The following FRMPD4 variants were observed in gnomAD, a reference collection of about 807,000 sequenced individuals.
FRMPD4 encodes FERM and PDZ domain containing 4, also known as FERM and PDZ domain-containing protein 4.
FRMPD4 carries 22 observed loss-of-function variants against 94.1 expected under a neutral mutation model. The ratio of observed to expected loss-of-function variants is 0.23; its 90% CI spans 0.17 to 0.33. The LOEUF (loss-of-function observed/expected upper bound fraction) is 0.33, where lower values mean the gene tolerates loss of function less well. Among genes scored for constraint, FRMPD4 ranks in the 10% least tolerant of loss-of-function variants. FRMPD4 has a pLI of 1.00. For synonymous variants in FRMPD4, 631 were observed against 548.6 expected (o/e 1.15, Z -2.10); for missense variants, 1,111 against 1,339.9 (o/e 0.83, Z 2.67).
intron 3 of FRMPD4, among the ~76,000 whole-genome samples, chrX:11,956,922 C>G (rs1483564070): frequency 8.9e-6 from 1 of 111,871 alleles, no homozygotes; most frequent in African/African-American, 3.2e-5. Context: ...TAACTATACT[C>G]ACAAGAGGCT....
intron 3 of FRMPD4, among the ~76,000 whole-genome samples, chrX:11,915,713 T>C (rs750126074): frequency 4.7e-4 from 53 of 112,254 alleles, no homozygotes; most frequent in Non-Finnish European, 7.5e-4. Flanking sequence ...ACAGAATCCA[T>C]TGGACAGCAC....
intron 1 of FRMPD4, among the ~76,000 whole-genome samples, chrX:11,823,302 A>T (rs927671716): frequency 4.7e-4 from 51 of 108,922 alleles, no homozygotes; most frequent in African/African-American, 1.5e-3. Flanking sequence ...ATATAATAAT[A>T]ATAATTATTA....
chrX:12,037,743 C>T (rs764763246), intron 3 of FRMPD4, among the ~76,000 whole-genome samples: 7 of 110,856 alleles, frequency 6.3e-5, no homozygotes, highest in African/African-American at 2.3e-4. Flanking sequence ...ACCCTCCACC[C>T]TCAGGTAGGC....
intron 3 of FRMPD4, among the ~76,000 whole-genome samples, chrX:12,111,865 AG>A (rs1441598663): frequency 8.9e-6 from 1 of 111,958 alleles, no homozygotes; most frequent in Non-Finnish European, 1.9e-5. Flanking sequence ...AACCACAATA[AG>A]ATACCATCTC....
chrX:12,216,752 G>A (rs1010392471), intron 1 of FRMPD4, among the ~76,000 whole-genome samples: 14 of 111,886 alleles, frequency 1.3e-4, no homozygotes, highest in African/African-American at 4.6e-4. Context: ...TCATCTTACT[G>A]TTTTCTCATT....
intron 6 of FRMPD4, 68 bp from the exon 7 acceptor site, chrX:12,686,029 G>A: frequency 1.9e-6 from 1 of 523,111 alleles, no homozygotes; most frequent in Non-Finnish European, 3.4e-6. Context: ...GTATAGATGT[G>A]CTGCTACTGC....
chrX:12,093,102 C>A (rs918408176), intron 3 of FRMPD4, among the ~76,000 whole-genome samples: 5 of 110,950 alleles, frequency 4.5e-5, no homozygotes, highest in Admixed American at 9.6e-5. Flanking sequence ...TGTGGCTGGA[C>A]TGGAGTCAGG....
At chrX:12,485,838 G>A (rs993872847) in intron 1 of FRMPD4, among the ~76,000 whole-genome samples, 4 of 110,315 alleles carry the variant, frequency 3.6e-5, no homozygotes, top group African/African-American at 1.3e-4. Context: ...GAACCCAGGA[G>A]GTGGAGGTTG....
chrX:12,660,396 C>T (rs748764384), intron 4 of FRMPD4, among the ~76,000 whole-genome samples: 14 of 111,838 alleles, frequency 1.3e-4, no homozygotes, highest in Admixed American at 3.8e-4. Flanking sequence ...ACCCCATTCT[C>T]CACAAGTCCA....
intron 1 of FRMPD4, among the ~76,000 whole-genome samples, chrX:12,479,451 T>TATACAC (rs1569293667): frequency 4.0e-5 from 4 of 100,938 alleles, no homozygotes; most frequent in African/African-American, 1.5e-4. Context: ...TATATGTATA[T>TATACAC]ATATGTATAT....
intron 6 of FRMPD4, among the ~76,000 whole-genome samples, chrX:12,684,148 T>C (rs1237482767): frequency 8.9e-6 from 1 of 112,107 alleles, no homozygotes; most frequent in Non-Finnish European, 1.9e-5. Flanking sequence ...GAAATCATGA[T>C]TACTCAGGCA....
chrX:11,830,218 C>A lies in FRMPD4; in HGVS notation c.-161+7503C>A, dbSNP rs181602621. Among the ~76,000 whole-genome samples the A allele has an allele frequency of 1.7e-3, 189 of 111,709 alleles. 1 individual carries two copies. Among genetic ancestry groups the A allele is most frequent in the Middle Eastern group, 9.3e-3 (2 of 216 alleles). The stretch of plus-strand genomic sequence containing the variant: ...GAATATGAGTCAAACCATCATTTTC[C>A]TAAATGAGAAAGTTGGAAACAACTT... On this transcript the variant is annotated intron_variant, in intron 1 of 18. Transcript: ENST00000640291.
chrX:12,094,804 C>T (rs761213745), intron 3 of FRMPD4, among the ~76,000 whole-genome samples: 3 of 112,547 alleles, frequency 2.7e-5, no homozygotes, highest in African/African-American at 9.7e-5. Flanking sequence ...ATTCTGAGTT[C>T]AAATCCCAGT....
chrX:12,025,369 GC>G (rs1233987181), intron 3 of FRMPD4, among the ~76,000 whole-genome samples: 3 of 109,717 alleles, frequency 2.7e-5, no homozygotes, highest in Non-Finnish European at 5.7e-5. Flanking sequence ...TATCTCAGAG[GC>G]CATTCAAGGT....
intron 4 of FRMPD4, among the ~76,000 whole-genome samples, chrX:12,616,034 C>T (rs2059233393): frequency 9.0e-6 from 1 of 110,838 alleles, no homozygotes; most frequent in Non-Finnish European, 1.9e-5. Flanking sequence ...GAGTAAGCAA[C>T]CATCCTAGTT....
chrX:12,401,893 C>T (rs1388617125), intron 1 of FRMPD4, among the ~76,000 whole-genome samples: 1 of 111,277 alleles, frequency 9.0e-6, no homozygotes, highest in African/African-American at 3.3e-5. Context: ...AAAGCATGTC[C>T]AGAGTTGACT....
intron 1 of FRMPD4, among the ~76,000 whole-genome samples, chrX:12,196,601 A>G (rs2056570003): frequency 9.1e-6 from 1 of 109,292 alleles, no homozygotes; most frequent in Non-Finnish European, 1.9e-5. Context: ...CCTAAAGTAG[A>G]GAACATTTGT....
At chrX:12,716,000 C>CG in intron 14 of FRMPD4, 69 bp from the exon 15 acceptor site, 1 of 334,683 alleles carries the variant, frequency 3.0e-6, no homozygotes, top group East Asian at 4.8e-5. Flanking sequence ...AGAGACGAGC[C>CG]TCCCACCCCC....
At chrX:12,705,660 G>T (rs5979713) in intron 11 of FRMPD4, among the ~76,000 whole-genome samples, 26,048 of 109,624 alleles carry the variant, frequency 0.24, 2,274 homozygotes, top group Middle Eastern at 0.3. Flanking sequence ...AAGATGATGT[G>T]GGTCAAGTTC....
Sources: gnomAD v4.1 joint callset for allele counts (sites outside exome capture counted in the v4.1 genomes callset) on GRCh38, gnomAD v4.1.1 for gene constraint, MANE v1.5 for transcripts, NCBI Gene and HGNC (gene_info 2026-07-23, HGNC 2026-07-21) for gene names.